Variants in GRID2 observed in about 807,000 individuals in gnomAD.
GRID2 encodes glutamate ionotropic receptor delta type subunit 2.
Under a neutral mutation model 114.8 loss-of-function variants are expected in GRID2, and 33 were observed. The ratio of observed to expected loss-of-function variants is 0.29; its 90% CI spans 0.22 to 0.38. GRID2 has a LOEUF of 0.38. GRID2 is among the 10% of genes least tolerant of loss of function. The pLI, the probability that GRID2 is intolerant of heterozygous loss-of-function variation, is 1.00. For missense variants in GRID2, 1,184 were observed against 1,257.7 expected (o/e 0.94, Z 0.89); for synonymous variants, 505 against 449.9 (o/e 1.12, Z -1.55).
chr4:93,373,662 C>T (rs1763126376), intron 8 of GRID2, among the ~76,000 whole-genome samples: 1 of 152,176 alleles, frequency 6.6e-6, no homozygotes, highest in African/African-American at 2.4e-5. Flanking sequence ...TTATCCCCAG[C>T]ATCCTTGCTA....
chr4:93,690,339 ACT>A (rs1726449549), intron 14 of GRID2, among the ~76,000 whole-genome samples: 2 of 151,842 alleles, frequency 1.3e-5, no homozygotes, highest in Admixed American at 6.6e-5. Context: ...AAGTACTGTC[ACT>A]CTCTACTGCA....
chr4:92,621,980 T>A (rs1013550931), intron 2 of GRID2, among the ~76,000 whole-genome samples: 1 of 151,772 alleles, frequency 6.6e-6, no homozygotes, highest in Admixed American at 6.6e-5. Context: ...TGTTAAACAT[T>A]GAACTATTGA....
At chr4:93,465,653 C>T (rs1374935476) in intron 11 of GRID2, among the ~76,000 whole-genome samples, 1 of 152,142 alleles carries the variant, frequency 6.6e-6, no homozygotes, top group Non-Finnish European at 1.5e-5. Context: ...TCACTGTTTC[C>T]AAAGGCCACG....
downstream of GRID2, among the ~76,000 whole-genome samples, chr4:93,778,850 G>A (rs1006864462): frequency 2.0e-4 from 30 of 152,236 alleles, no homozygotes; most frequent in Admixed American, 6.5e-5. Context: ...ATTCACACAT[G>A]ATGTTTTTTT....
At chr4:92,842,130 A>G (rs1742944574) in intron 2 of GRID2, among the ~76,000 whole-genome samples, 1 of 152,130 alleles carries the variant, frequency 6.6e-6, no homozygotes, top group Non-Finnish European at 1.5e-5. Context: ...TAAATTCATT[A>G]TAGTGATGTA....
At chr4:93,195,940 T>A (rs140820170) in intron 4 of GRID2, among the ~76,000 whole-genome samples, 291 of 152,298 alleles carry the variant, frequency 1.9e-3, no homozygotes, top group Non-Finnish European at 2.5e-3. Context: ...ACAAATGGGC[T>A]CCTTTGTCGA....
chr4:92,863,530 C>T (rs529191449), intron 2 of GRID2, among the ~76,000 whole-genome samples: 82 of 152,266 alleles, frequency 5.4e-4, no homozygotes, highest in African/African-American at 1.9e-3. Context: ...CTCATCTACT[C>T]TTCAAATACT....
chr4:93,077,404 A>G (rs1016086197), intron 2 of GRID2, among the ~76,000 whole-genome samples: 5 of 152,190 alleles, frequency 3.3e-5, no homozygotes, highest in Admixed American at 3.3e-4. Context: ...ATCTTTCTCA[A>G]GATATTATTC....
At chr4:93,799,098 A>G (rs1734867045) in intron 1 of GRID2, among the ~76,000 whole-genome samples, 1 of 152,192 alleles carries the variant, frequency 6.6e-6, no homozygotes, top group African/African-American at 2.4e-5. Flanking sequence ...GTTACTTCAC[A>G]TGTTAAATAG....
At chr4:92,502,161 A>C (rs1440409700) in intron 1 of GRID2, among the ~76,000 whole-genome samples, 1 of 152,130 alleles carries the variant, frequency 6.6e-6, no homozygotes, top group Non-Finnish European at 1.5e-5. Flanking sequence ...AAAGTGAGCA[A>C]GTATTTTAAT....
intron 2 of GRID2, among the ~76,000 whole-genome samples, chr4:92,971,396 T>C (rs1224715442): frequency 1.3e-5 from 2 of 152,012 alleles, no homozygotes; most frequent in African/African-American, 2.4e-5. Context: ...TCAGTTAAAA[T>C]TGCTAGTTTT....
At chr4:93,583,966 G>T (rs1466524458) in intron 13 of GRID2, among the ~76,000 whole-genome samples, 1 of 152,128 alleles carries the variant, frequency 6.6e-6, no homozygotes, top group African/African-American at 2.4e-5. Flanking sequence ...TTGGATTTGG[G>T]AACCACAGGA....
intron 4 of GRID2, among the ~76,000 whole-genome samples, chr4:93,130,884 G>A (rs1734733944): frequency 6.6e-6 from 1 of 152,130 alleles, no homozygotes; most frequent in African/African-American, 2.4e-5. Context: ...TGGTTTAAAT[G>A]AGAACTAAAC....
chr4:93,397,895 G>T (rs977466224), intron 9 of GRID2, among the ~76,000 whole-genome samples: 10 of 151,342 alleles, frequency 6.6e-5, no homozygotes, highest in African/African-American at 2.4e-4. Flanking sequence ...TTTTTATTGG[G>T]TTTTTTTCCT....
chr4:92,523,070 T>A (rs1724868223), intron 1 of GRID2, among the ~76,000 whole-genome samples: 1 of 151,962 alleles, frequency 6.6e-6, no homozygotes. Context: ...TATAGCAAGA[T>A]AATTTCAACA....
At chr4:92,617,692 T>G (rs1232794862) in intron 2 of GRID2, among the ~76,000 whole-genome samples, 4 of 151,748 alleles carry the variant, frequency 2.6e-5, no homozygotes, top group Admixed American at 2.0e-4. Context: ...ATTTTGATAA[T>G]AGCCATTAAA....
At chr4:93,110,537 TAAAA>T (rs1732665307) in intron 3 of GRID2, among the ~76,000 whole-genome samples, 1 of 152,134 alleles carries the variant, frequency 6.6e-6, no homozygotes, top group South Asian at 2.1e-4. Flanking sequence ...GAAATCCATT[TAAAA>T]AATAACAATT....
At chr4:92,612,749 G>A (rs1050258115) in intron 2 of GRID2, among the ~76,000 whole-genome samples, 1 of 151,330 alleles carries the variant, frequency 6.6e-6, no homozygotes, top group African/African-American at 2.4e-5. Context: ...TCTTGCTAAT[G>A]AATAAACTCT....
intron 1 of GRID2, among the ~76,000 whole-genome samples, chr4:92,418,476 T>G (rs1330368245): frequency 3.3e-5 from 5 of 151,908 alleles, no homozygotes; most frequent in African/African-American, 1.2e-4. Context: ...CTGGCTGTAG[T>G]GTAGAGGAAA....
Sources: allele counts gnomAD v4.1 joint callset (sites outside exome capture counted in the v4.1 genomes callset), GRCh38; gene constraint gnomAD v4.1.1; transcripts MANE v1.5; gene names NCBI Gene and HGNC (gene_info 2026-07-23, HGNC 2026-07-21).